MARCHF1: variants seen among roughly 807,000 people sequenced by gnomAD.
MARCHF1 encodes E3 ubiquitin-protein ligase MARCHF1.
MARCHF1 carries 40 observed loss-of-function variants against 54.2 expected under a neutral mutation model. The ratio of observed to expected loss-of-function variants is 0.74; its 90% CI spans 0.57 to 0.96. The LOEUF is 0.96. MARCHF1 is among the 40% of genes least tolerant of loss of function. The pLI is 0.00. For missense variants in MARCHF1, 586 were observed against 656.5 expected, an observed-to-expected ratio of 0.89 and a Z score of 1.17; for synonymous variants, 236 against 236.3, an observed-to-expected ratio of 1.00 and a Z score of 0.01.
rs1740212471 is a variant in MARCHF1, at chr4:163,580,952, G to A, written c.1191+4797C>T. 1.9e-5 allele frequency among the ~76,000 whole-genome samples: 2 copies of A among 106,168 alleles called. 1 individual carries two copies. The highest frequency in any genetic ancestry group is 6.0e-4 in the East Asian group (2 of 3,336). The allele number at this position is 106,168 out of a possible 152,430, so 69.7% of individuals were successfully genotyped here. The stretch of plus-strand genomic sequence containing the variant: ...CGAGTAGCTGGGACTACAGGCGCCC[G>A]CCACCGCGCCCGGCTAATTTTTTGT... On this transcript the variant is annotated intron_variant, in intron 8 of 9. Transcript: ENST00000514618.
chr4:164,012,468 G>T (rs1002142888), intron 2 of MARCHF1, among the ~76,000 whole-genome samples: 14 of 152,144 alleles, frequency 9.2e-5, no homozygotes, highest in Non-Finnish European at 2.1e-4. Context: ...GCCTTGATAA[G>T]AAGGACCCAG....
intron 2 of MARCHF1, among the ~76,000 whole-genome samples, chr4:163,989,445 A>AT (rs1302045638): frequency 6.6e-6 from 1 of 152,202 alleles, no homozygotes; most frequent in Non-Finnish European, 1.5e-5. Context: ...AGTCTGAAGC[A>AT]TAGAGCTCTA....
At chr4:163,601,288 A>C (rs1477053717) in intron 7 of MARCHF1, among the ~76,000 whole-genome samples, 4 of 152,190 alleles carry the variant, frequency 2.6e-5, no homozygotes, top group Admixed American at 2.0e-4. Context: ...ATTCATGTTT[A>C]TACACACAAT....
At chr4:163,585,046 G>A (rs139329247) in intron 8 of MARCHF1, 5 of 152,142 alleles carry the variant, frequency 3.3e-5, no homozygotes, top group African/African-American at 4.8e-5. Context: ...GCTGTTCTTC[G>A]GTGGCTTTGA....
intron 1 of MARCHF1, among the ~76,000 whole-genome samples, chr4:164,254,157 A>G (rs1272206545): frequency 2.0e-5 from 3 of 151,930 alleles, no homozygotes; most frequent in African/African-American, 7.3e-5. Flanking sequence ...GCTAGAGTGC[A>G]GTGGCGTGAT....
At chr4:164,334,262 C>A (rs979569972) in intron 1 of MARCHF1, among the ~76,000 whole-genome samples, 2 of 152,168 alleles carry the variant, frequency 1.3e-5, no homozygotes, top group Non-Finnish European at 2.9e-5. Flanking sequence ...TTAGGAGTTT[C>A]ATAGATAGAG....
intron 1 of MARCHF1, among the ~76,000 whole-genome samples, chr4:164,184,667 C>T (rs1156695639): frequency 2.6e-5 from 4 of 152,192 alleles, no homozygotes; most frequent in African/African-American, 9.7e-5. Flanking sequence ...AACATGAATT[C>T]CCTTGGTGGT....
chr4:163,593,369 G>A (rs1308767169), intron 7 of MARCHF1, among the ~76,000 whole-genome samples: 1 of 152,000 alleles, frequency 6.6e-6, no homozygotes, highest in Non-Finnish European at 1.5e-5. Context: ...GAAGTAAAAA[G>A]GCAAAACAAA....
In MARCHF1 at chr4:163,532,949, C is replaced by T. The variant is rs181439871; in HGVS notation, c.1340-3903G>A. Among the ~76,000 whole-genome samples, 3 of 152,046 alleles carry T rather than the reference C, an allele frequency of 2.0e-5. No homozygotes were observed. The East Asian group carries it at 5.8e-4, about 29-fold the overall frequency. ...AAAATGGTACAGTCACTTTGGAAGA[C>T]AGTCTGGCAGTTTTTTACAATGGTA... On this transcript the variant is annotated intron_variant, in intron 9 of 9. Transcript: ENST00000514618.
intron 5 of MARCHF1, among the ~76,000 whole-genome samples, chr4:163,670,623 T>C (rs1743704626): frequency 1.3e-5 from 2 of 152,066 alleles, no homozygotes; most frequent in Admixed American, 1.3e-4. Flanking sequence ...TGGTCTCAGT[T>C]TATTCTTTCT....
chr4:163,732,670 T>C (rs1449457878), intron 4 of MARCHF1, among the ~76,000 whole-genome samples: 1 of 152,180 alleles, frequency 6.6e-6, no homozygotes, highest in African/African-American at 2.4e-5. Flanking sequence ...GTCAGCAGAC[T>C]TCTCATTGGA....
chr4:164,007,675 T>C (rs1442171098), intron 2 of MARCHF1, among the ~76,000 whole-genome samples: 2 of 151,734 alleles, frequency 1.3e-5, no homozygotes, highest in African/African-American at 4.8e-5. Flanking sequence ...TGTGTGTGTG[T>C]GTGTGTGTGT....
At chr4:163,760,269 C>T (rs1318379840) in intron 4 of MARCHF1, among the ~76,000 whole-genome samples, 5 of 152,190 alleles carry the variant, frequency 3.3e-5, no homozygotes, top group African/African-American at 9.6e-5. Flanking sequence ...TTAAGGACCC[C>T]GGCAATCACA....
chr4:164,220,022 A>AT (rs1196114549), intron 1 of MARCHF1, among the ~76,000 whole-genome samples: 1 of 151,820 alleles, frequency 6.6e-6, no homozygotes, highest in Non-Finnish European at 1.5e-5. Context: ...GTCACTTTGT[A>AT]TGTATCTAAA....
intron 2 of MARCHF1, among the ~76,000 whole-genome samples, chr4:164,066,901 G>T (rs1055484488): frequency 6.6e-6 from 1 of 151,990 alleles, no homozygotes; most frequent in Non-Finnish European, 1.5e-5. Flanking sequence ...AGAGGATCAG[G>T]AAAAACAACT....
intron 1 of MARCHF1, among the ~76,000 whole-genome samples, chr4:164,275,974 A>G (rs1246864672): frequency 3.9e-5 from 6 of 152,188 alleles, no homozygotes; most frequent in African/African-American, 1.4e-4. Flanking sequence ...TATAGTCAAT[A>G]TCTCTATCTC....
At chr4:163,999,287 G>T in intron 2 of MARCHF1, among the ~76,000 whole-genome samples, 1 of 151,352 alleles carries the variant, frequency 6.6e-6, no homozygotes, top group Admixed American at 6.6e-5. Flanking sequence ...TTGGTACATG[G>T]CTTGTCAAAG....
chr4:164,142,174 C>T (rs1756557828), intron 1 of MARCHF1, among the ~76,000 whole-genome samples: 1 of 152,186 alleles, frequency 6.6e-6, no homozygotes, highest in African/African-American at 2.4e-5. Context: ...GGGTCCTATG[C>T]CCACGGAGAC....
At chr4:163,674,545 C>T (rs1579183253) in intron 5 of MARCHF1, among the ~76,000 whole-genome samples, 1 of 152,108 alleles carries the variant, frequency 6.6e-6, no homozygotes, top group Non-Finnish European at 1.5e-5. Flanking sequence ...GGAGTGGCAG[C>T]AAACAGAGGT....
Sources: allele counts gnomAD v4.1 joint callset (sites outside exome capture counted in the v4.1 genomes callset), GRCh38; gene constraint gnomAD v4.1.1; transcripts MANE v1.5; gene names NCBI Gene and HGNC (gene_info 2026-07-23, HGNC 2026-07-21).